The following DLC1 variants were observed in gnomAD, a reference collection of about 807,000 sequenced individuals.
DLC1 encodes rho GTPase-activating protein 7.
Under a neutral mutation model 140.3 loss-of-function variants are expected in DLC1, and 54 were observed. The observed-to-expected ratio is 0.38, with a 90% CI of 0.31 to 0.48. The LOEUF (loss-of-function observed/expected upper bound fraction) is 0.48. Among genes scored for constraint, DLC1 ranks in the 20% least tolerant of loss-of-function variants. The probability of loss-of-function intolerance (pLI) is 0.96; values close to 1 mark genes in which losing one functional copy is unlikely to be tolerated. For synonymous variants in DLC1, 986 were observed against 728.1 expected (o/e 1.35, Z -5.70); for missense variants, 2,536 against 1,907.0 (o/e 1.33, Z -6.14).
chr8:13,229,588 T>C (rs1828951978), intron 5 of DLC1, among the ~76,000 whole-genome samples: 1 of 151,360 alleles, frequency 6.6e-6, no homozygotes, highest in Non-Finnish European at 1.5e-5. Context: ...AGTATATAAA[T>C]TATAATTCAG....
At chr8:13,195,406 A>T (rs75680848) in intron 5 of DLC1, among the ~76,000 whole-genome samples, 7,364 of 152,302 alleles carry the variant, frequency 0.048, 204 homozygotes, top group Non-Finnish European at 0.066. Flanking sequence ...GAGCCTTCCT[A>T]TATAAATAAA....
In DLC1 at chr8:13,115,698, C is replaced by T. The variant is rs1184909478; in HGVS notation, c.1349-41G>A. On this transcript the variant is annotated intron_variant, in intron 5 of 17. Coordinates refer to ENST00000276297, the MANE Select transcript of DLC1 (RefSeq NM_182643.3). ...AGAAAGACAAAATTAGCCATGTGTA[C>T]CTCGCCATGCTTATTTTTCCTGAAT... 5 of 1,582,226 alleles carry T rather than the reference C, an allele frequency of 3.2e-6. No individual in the cohort carries two copies. In the Admixed American group the frequency reaches 6.9e-5, roughly 22 times the overall value.
At chr8:13,450,363 G>A (rs992793189) in intron 2 of DLC1, among the ~76,000 whole-genome samples, 24 of 143,726 alleles carry the variant, frequency 1.7e-4, no homozygotes, top group African/African-American at 4.9e-4. Context: ...GCTGAGGCAC[G>A]AGAATCACTT....
intron 2 of DLC1, among the ~76,000 whole-genome samples, chr8:13,464,712 T>C (rs1199570816): frequency 6.8e-6 from 1 of 147,256 alleles, no homozygotes; most frequent in Admixed American, 6.9e-5. Context: ...TTGTTTTTTA[T>C]TACTTGCTTT....
chr8:13,307,540 T>C (rs932954150), intron 4 of DLC1, among the ~76,000 whole-genome samples: 9 of 152,208 alleles, frequency 5.9e-5, no homozygotes, highest in African/African-American at 2.2e-4. Context: ...GCCCCTAAAT[T>C]TACCCCTGAT....
intron 5 of DLC1, among the ~76,000 whole-genome samples, chr8:13,225,472 G>C (rs1297892334): frequency 6.6e-6 from 1 of 152,090 alleles, no homozygotes; most frequent in Admixed American, 6.6e-5. Context: ...GGTTAGAAGG[G>C]CATTAAGAAC....
intron 2 of DLC1, 57 bp downstream of exon 2, chr8:13,498,992 A>G (rs1801642856): frequency 6.6e-7 from 1 of 1,510,270 alleles, no homozygotes; most frequent in Non-Finnish European, 8.8e-7. Flanking sequence ...GATAACTGAT[A>G]AATCCAAGGA....
chr8:13,305,531 C>T (rs1231511947), intron 4 of DLC1, among the ~76,000 whole-genome samples: 1 of 152,124 alleles, frequency 6.6e-6, no homozygotes, highest in Non-Finnish European at 1.5e-5. Context: ...AATGCACATC[C>T]ATATTATCTT....
At chr8:13,212,332 A>G (rs189225165) in intron 5 of DLC1, among the ~76,000 whole-genome samples, 159 of 152,208 alleles carry the variant, frequency 1.0e-3, no homozygotes, top group African/African-American at 3.6e-3. Flanking sequence ...ACACATTTCA[A>G]TGGCACACTG....
intron 2 of DLC1, among the ~76,000 whole-genome samples, chr8:13,485,274 G>C (rs1337842739): frequency 2.0e-5 from 3 of 152,118 alleles, no homozygotes; most frequent in African/African-American, 7.2e-5. Context: ...AGCCATCTTT[G>C]TTAGCCACAA....
rs185662265 is a variant in DLC1 at position 13,570,890 on chromosome 8, C to G, written c.-126+33647G>C. Among the ~76,000 whole-genome samples, 26 of 152,258 alleles carry G rather than the reference C, an allele frequency of 1.7e-4. No individual in the cohort carries two copies. The East Asian group carries it at 4.6e-3, about 27-fold the overall frequency. ...CTATTCAACCTCATTCTAGACTAAC[C>G]TACCAGACCCCTGTCCTGCCAGGGT... On this transcript the variant is annotated intron_variant, in intron 1 of 1. Transcript: ENST00000631382.
intron 4 of DLC1, among the ~76,000 whole-genome samples, chr8:13,350,311 TTTG>T (rs1834586316): frequency 6.6e-6 from 1 of 152,200 alleles, no homozygotes; most frequent in Non-Finnish European, 1.5e-5. Flanking sequence ...CATTTTTTTT[TTTG>T]TTCTTTGTCA....
At chr8:13,290,307 C>T (rs958365679) in intron 5 of DLC1, among the ~76,000 whole-genome samples, 1 of 152,070 alleles carries the variant, frequency 6.6e-6, no homozygotes. Flanking sequence ...CATAACAAGT[C>T]CCTGGAGAGT....
intron 5 of DLC1, among the ~76,000 whole-genome samples, chr8:13,293,252 A>G (rs1167041854): frequency 6.6e-6 from 1 of 152,224 alleles, no homozygotes; most frequent in Non-Finnish European, 1.5e-5. Flanking sequence ...TTAATTAAAA[A>G]TGAATTAATA....
chr8:13,543,092 G>A (rs1290271271), intron 1 of DLC1, among the ~76,000 whole-genome samples: 1 of 152,042 alleles, frequency 6.6e-6, no homozygotes, highest in Non-Finnish European at 1.5e-5. Context: ...ACTATGAAAA[G>A]GGTCAATTTT....
chr8:13,428,453 A>G (rs958588733), intron 2 of DLC1, among the ~76,000 whole-genome samples: 3 of 152,326 alleles, frequency 2.0e-5, no homozygotes, highest in African/African-American at 7.2e-5. Flanking sequence ...AATCATTATG[A>G]TATCTGTTAG....
chr8:13,506,893 T>C (rs971743188), intron 1 of DLC1, among the ~76,000 whole-genome samples: 16 of 152,090 alleles, frequency 1.1e-4, no homozygotes, highest in Admixed American at 2.6e-4. Flanking sequence ...AAGATGCATA[T>C]GTTGGAAACC....
chr8:13,499,437 T>G lies in DLC1; in HGVS notation c.635A>C (p.Asp212Ala). The G allele has an allele frequency of 1.2e-6, 2 of 1,613,980 alleles. No homozygotes were observed. Among genetic ancestry groups the G allele is most frequent in the Middle Eastern group, 3.3e-4 (2 of 6,062 alleles). Residue 212 changes from aspartate to alanine, a missense_variant, in exon 2 of 18, where the codon GAT (aspartate) becomes GCT (alanine). Transcript: ENST00000276297. ...IKDAPKVNAV[D>A]TLNVKDIAPE... ...TGCAATATCTTTCACGTTCAAAGTA[T>G]CCACTGCATTTACTTTGGGTGCATC...
intron 5 of DLC1, among the ~76,000 whole-genome samples, chr8:13,235,342 C>T (rs1036126053): frequency 6.6e-6 from 1 of 152,002 alleles, no homozygotes; most frequent in Non-Finnish European, 1.5e-5. Flanking sequence ...GTGTTTAAAG[C>T]TGGTACCTTC....
Sources: gnomAD v4.1 joint callset for allele counts (sites outside exome capture counted in the v4.1 genomes callset) on GRCh38, gnomAD v4.1.1 for gene constraint, MANE v1.5 for transcripts, NCBI Gene and HGNC (gene_info 2026-07-23, HGNC 2026-07-21) for gene names.